CHST11: variants seen among roughly 807,000 people sequenced by gnomAD.
CHST11 encodes the protein carbohydrate sulfotransferase 11.
In CHST11, 9 loss-of-function variants were observed where a neutral mutation model predicts 30.4. The observed-to-expected ratio is 0.30, with a 90% CI of 0.18 to 0.52. The LOEUF is 0.52. Among genes scored for constraint, CHST11 ranks in the 20% least tolerant of loss-of-function variants. CHST11 has a pLI of 0.97. For synonymous variants in CHST11, 152 were observed against 187.8 expected (o/e 0.81, Z 1.56); for missense variants, 348 against 460.6 (o/e 0.76, Z 2.24).
intron 2 of CHST11, among the ~76,000 whole-genome samples, chr12:104,744,842 A>ATTAT (rs1303333921): frequency 8.5e-5 from 12 of 141,760 alleles, no homozygotes; most frequent in African/African-American, 1.4e-4. Context: ...TTATCCCAGC[A>ATTAT]TCATTTATTT....
chr12:104,604,285 T>A (rs549320419), intron 2 of CHST11, among the ~76,000 whole-genome samples: 26 of 152,208 alleles, frequency 1.7e-4, no homozygotes, highest in Admixed American at 1.7e-3. Flanking sequence ...TGGGAGGCAT[T>A]GGGGAGGGCG....
At chr12:104,733,074 T>C (rs2040270029) in intron 2 of CHST11, among the ~76,000 whole-genome samples, 1 of 152,248 alleles carries the variant, frequency 6.6e-6, no homozygotes, top group Admixed American at 6.5e-5. Context: ...AGTGAGGTGA[T>C]GTGTGCAAGG....
chr12:104,493,593 G>A (rs2037771287), intron 1 of CHST11, among the ~76,000 whole-genome samples: 1 of 152,286 alleles, frequency 6.6e-6, no homozygotes, highest in South Asian at 2.1e-4. Flanking sequence ...TGGAGGGAGA[G>A]TTTGAAGGCC....
In CHST11 at chr12:104,641,543, T is replaced by C. The variant is rs75343421; in HGVS notation, c.204+39552T>C. On this transcript the variant is annotated intron_variant, in intron 2 of 2. Transcript: ENST00000303694. Reference sequence around the variant, plus strand: ...TGGAATTTGCCCCTGCCAGCACCCATGTACTCCAGTTCCTGCCTGCAAAGG... The same window carrying C: ...TGGAATTTGCCCCTGCCAGCACCCACGTACTCCAGTTCCTGCCTGCAAAGG... Among the ~76,000 whole-genome samples, 1,037 of 152,264 alleles carry C rather than the reference T, an allele frequency of 6.8e-3. 14 individuals carry two copies. Among genetic ancestry groups the C allele is most frequent in the African/African-American group, 0.023 (958 of 41,548 alleles).
intron 2 of CHST11, among the ~76,000 whole-genome samples, chr12:104,667,984 A>C (rs1216223848): frequency 6.6e-6 from 1 of 152,178 alleles, no homozygotes; most frequent in Non-Finnish European, 1.5e-5. Context: ...AACTGGATTC[A>C]TGGGGTTTTG....
At chr12:104,533,196 T>C (rs2038203382) in intron 1 of CHST11, among the ~76,000 whole-genome samples, 1 of 152,232 alleles carries the variant, frequency 6.6e-6, no homozygotes, top group African/African-American at 2.4e-5. Flanking sequence ...ACTGTACTCA[T>C]CACATCATGC....
intron 1 of CHST11, among the ~76,000 whole-genome samples, chr12:104,478,187 A>ACACACACAAACACACACGGCAGATGGAG (rs1342875158): frequency 6.6e-6 from 1 of 152,210 alleles, no homozygotes; most frequent in Non-Finnish European, 1.5e-5. Flanking sequence ...CGTTACACAC[A>ACACACACAAACACACACGGCAGATGGAG]CACACACAAA....
chr12:104,663,865 A>G (rs1373995517), intron 2 of CHST11, among the ~76,000 whole-genome samples: 1 of 152,080 alleles, frequency 6.6e-6, no homozygotes, highest in Non-Finnish European at 1.5e-5. Flanking sequence ...CCACCCATCC[A>G]TCTGTTCATC....
intron 2 of CHST11, among the ~76,000 whole-genome samples, chr12:104,648,273 G>T (rs1373178853): frequency 6.6e-6 from 1 of 152,170 alleles, no homozygotes; most frequent in Non-Finnish European, 1.5e-5. Flanking sequence ...GGTACCTGAT[G>T]TGGAACAAGT....
chr12:104,574,274 T>G (rs1402337602), intron 1 of CHST11, among the ~76,000 whole-genome samples: 2 of 152,170 alleles, frequency 1.3e-5, no homozygotes, highest in African/African-American at 4.8e-5. Context: ...GAGTGTAAAC[T>G]AGTTCAACCA....
chr12:104,645,199 G>A (rs1026980074), intron 2 of CHST11, among the ~76,000 whole-genome samples: 7 of 151,774 alleles, frequency 4.6e-5, no homozygotes, highest in South Asian at 4.2e-4. Context: ...TGCCCACCTC[G>A]GCCTCCCAAA....
chr12:104,638,762 A>G (rs982753718), intron 2 of CHST11, among the ~76,000 whole-genome samples: 2 of 152,162 alleles, frequency 1.3e-5, no homozygotes, highest in African/African-American at 4.8e-5. Flanking sequence ...TAAAGGAAGA[A>G]TTTCTCTATC....
intron 1 of CHST11, among the ~76,000 whole-genome samples, chr12:104,582,190 A>C (rs141516124): frequency 1.3e-5 from 2 of 152,166 alleles, no homozygotes; most frequent in Admixed American, 6.5e-5. Flanking sequence ...TAACTTTATC[A>C]GGCAGGTTCT....
In CHST11 at chr12:104,676,616, T is replaced by C. The variant is rs2039745222; in HGVS notation, c.204+74625T>C. ...TTTTAGTAGAGATGGGGTTTCCCCA[T>C]GTTGGCCAGGATGGTCTCGATCTCC... On this transcript the variant is annotated intron_variant, in intron 2 of 2. Transcript: ENST00000303694. This position sits in a 1 kb window ranked among gnomAD's most constrained non-coding sequence, Gnocchi z 4.4. 6.6e-6 allele frequency among the ~76,000 whole-genome samples: 1 copy of C among 152,332 alleles called. No homozygotes were observed. Among genetic ancestry groups the C allele is most frequent in the African/African-American group, 2.4e-5 (1 of 41,584 alleles).
chr12:104,591,179 G>A (rs1249949195), intron 1 of CHST11, among the ~76,000 whole-genome samples: 1 of 152,194 alleles, frequency 6.6e-6, no homozygotes. Context: ...GAGGGGCAGA[G>A]GCAGGCGGGG....
chr12:104,644,778 C>G (rs2039410248), intron 2 of CHST11, among the ~76,000 whole-genome samples: 1 of 152,180 alleles, frequency 6.6e-6, no homozygotes, highest in South Asian at 2.1e-4. Context: ...AGATCTGTCC[C>G]TTGAAAGTAG....
At chr12:104,739,511 G>A (rs1178461828) in intron 2 of CHST11, among the ~76,000 whole-genome samples, 2 of 152,154 alleles carry the variant, frequency 1.3e-5, no homozygotes, top group Non-Finnish European at 2.9e-5. Flanking sequence ...CTTGCCCAAG[G>A]TCCACAGCCA....
Position 104,754,212 on chromosome 12 carries a change from G to C in CHST11, c.205-2737G>C, listed in dbSNP as rs530759861. On this transcript the variant is annotated intron_variant, in intron 2 of 2. Coordinates refer to ENST00000303694, the MANE Select transcript of CHST11 (RefSeq NM_018413.6). ...TTGCTTCTCTGGAATCTGGCTGAGG[G>C]TCTCAGCATCGTATCCCGGCTAGGA... Among the ~76,000 whole-genome samples, 8 of 152,324 alleles carry C rather than the reference G, an allele frequency of 5.3e-5. No individual in the cohort carries two copies. In the South Asian group the frequency reaches 1.7e-3, roughly 32 times the overall value.
intron 1 of CHST11, among the ~76,000 whole-genome samples, chr12:104,511,062 CTT>C (rs1456833415): frequency 2.0e-5 from 3 of 152,108 alleles, no homozygotes; most frequent in Non-Finnish European, 4.4e-5. Context: ...ATTTTCTAGA[CTT>C]TGTGTGTGGA....
Sources: gnomAD v4.1 joint callset for allele counts (sites outside exome capture counted in the v4.1 genomes callset) on GRCh38, gnomAD v4.1.1 for gene constraint, Gnocchi (gnomAD v3.1) non-coding constraint, MANE v1.5 for transcripts, NCBI Gene and HGNC (gene_info 2026-07-23, HGNC 2026-07-21) for gene names.